EOGT: variants seen among roughly 807,000 people sequenced by gnomAD.
EOGT encodes the protein EGF domain specific O-linked N-acetylglucosamine transferase.
EOGT carries 55 observed loss-of-function variants against 70.5 expected under a neutral mutation model. The ratio of observed to expected loss-of-function variants is 0.78; its 90% CI spans 0.63 to 0.98. The LOEUF (loss-of-function observed/expected upper bound fraction) is 0.98. Among genes scored for constraint, EOGT ranks in the 50% least tolerant of loss-of-function variants. EOGT has a pLI of 0.00. For synonymous variants in EOGT, 246 were observed against 217.1 expected (o/e 1.13, Z -1.17); for missense variants, 703 against 641.9 (o/e 1.10, Z -1.03).
intron 6 of EOGT, among the ~76,000 whole-genome samples, chr3:69,006,283 C>A (rs542761314): frequency 2.6e-5 from 4 of 152,190 alleles, no homozygotes; most frequent in Non-Finnish European, 2.9e-5. Flanking sequence ...ACCCTGCGGC[C>A]GTGCAGTTTA....
intron 17 of EOGT, 109 bp from the exon 18 acceptor site, chr3:68,977,873 T>C: frequency 8.6e-7 from 1 of 1,164,416 alleles, no homozygotes; most frequent in Non-Finnish European, 1.2e-6. Context: ...ATGTTCTACA[T>C]CAGAGACCAG....
At chr3:69,013,409 C>G (rs1015945942) in intron 1 of EOGT, among the ~76,000 whole-genome samples, 165 bp downstream of exon 1, 18 of 152,038 alleles carry the variant, frequency 1.2e-4, no homozygotes, top group African/African-American at 4.1e-4. Context: ...GCCCGCCTCC[C>G]GGCCCGCAGG....
At chr3:68,996,085 A>G (rs1254610264) in intron 10 of EOGT, among the ~76,000 whole-genome samples, 1 of 152,238 alleles carries the variant, frequency 6.6e-6, no homozygotes, top group Non-Finnish European at 1.5e-5. Context: ...TACAAAAAGA[A>G]GAAAAGAAAG....
chr3:68,984,245 A>G (rs2090738785), intron 14 of EOGT, among the ~76,000 whole-genome samples: 1 of 152,006 alleles, frequency 6.6e-6, no homozygotes, highest in Non-Finnish European at 1.5e-5. Flanking sequence ...ACACACACGC[A>G]CACAGTCATA....
intron 15 of EOGT, among the ~76,000 whole-genome samples, chr3:68,981,665 AGTTGT>A (rs1455613398): frequency 6.6e-6 from 1 of 152,170 alleles, no homozygotes; most frequent in Admixed American, 6.5e-5. Context: ...TAAGCCTTTT[AGTTGT>A]GTTAAGAGTT....
chr3:69,002,053 A>G (rs2091308384), intron 8 of EOGT, among the ~76,000 whole-genome samples: 1 of 152,260 alleles, frequency 6.6e-6, no homozygotes, highest in African/African-American at 2.4e-5. Context: ...AGCTGGGCGT[A>G]GTGGCGAGCG....
chr3:68,978,593 A>G (rs912685711), intron 16 of EOGT, among the ~76,000 whole-genome samples, 158 bp from the exon 17 acceptor site: 6 of 152,240 alleles, frequency 3.9e-5, no homozygotes, highest in African/African-American at 1.4e-4. Context: ...AAGAGAATGT[A>G]AAAATATTCT....
chr3:69,011,441 C>T (rs1054741582), intron 3 of EOGT, among the ~76,000 whole-genome samples: 1 of 151,354 alleles, frequency 6.6e-6, no homozygotes, highest in Non-Finnish European at 1.5e-5. Context: ...GCTTGGGCAA[C>T]GTGATGAAAC....
intron 10 of EOGT, among the ~76,000 whole-genome samples, chr3:68,995,332 T>C (rs1324691255): frequency 6.6e-6 from 1 of 152,212 alleles, no homozygotes; most frequent in African/African-American, 2.4e-5. Flanking sequence ...CTGGCAGAAT[T>C]GCCTGTCCTG....
At chr3:68,986,474 T>C (rs2090810718) in intron 14 of EOGT, among the ~76,000 whole-genome samples, 1 of 152,196 alleles carries the variant, frequency 6.6e-6, no homozygotes, top group African/African-American at 2.4e-5. Flanking sequence ...CCCTGCACCA[T>C]GCCTGACCTC....
At chr3:68,987,763 T>A (rs1214390175) in intron 13 of EOGT, 1 of 536,572 alleles carries the variant, frequency 1.9e-6, no homozygotes, top group Non-Finnish European at 3.3e-6. Flanking sequence ...TTGGCAGGGG[T>A]TGTGTATGTT....
Position 69,005,157 on chromosome 3 carries a change from G to C in EOGT, c.498C>G (p.Ile166Met). The C allele has an allele frequency of 7.0e-6, 11 of 1,580,584 alleles. No individual in the cohort carries two copies. Among genetic ancestry groups the C allele is most frequent in the Non-Finnish European group, 8.7e-6 (10 of 1,151,386 alleles). The part of the protein sequence containing the change: ...ATNLYLDLRN[I>M]KRNHDRFKED... ...TAAAGTACCTGTCATGATTTCTCTT[G>C]ATGTTTCTTAAATCAAGATAGAGAT... is the stretch of plus-strand genomic sequence containing the variant. Residue 166 changes from isoleucine to methionine, a missense_variant, in exon 7 of 18, where the codon ATC becomes ATG. Ile to Met is a conservative substitution (Grantham distance 10, BLOSUM62 1). Transcript: ENST00000383701.
intron 15 of EOGT, among the ~76,000 whole-genome samples, chr3:68,981,982 CTT>C (rs1196940968): frequency 3.9e-5 from 6 of 152,148 alleles, no homozygotes; most frequent in Non-Finnish European, 8.8e-5. Context: ...TGTCAGCTCC[CTT>C]CAACTTCTAC....
At chr3:68,998,835 T>TA (rs5849871) in intron 9 of EOGT, among the ~76,000 whole-genome samples, 6,899 of 109,852 alleles carry the variant, frequency 0.063, 449 homozygotes, top group African/African-American at 0.16. Flanking sequence ...AGACTCTGTC[T>TA]AAAAAAAAAA....
At chr3:68,988,895 T>C in intron 11 of EOGT, 30 bp downstream of exon 11, 1 of 1,240,952 alleles carries the variant, frequency 8.1e-7, no homozygotes, top group Non-Finnish European at 1.1e-6. Context: ...CAAGAAATAT[T>C]CACAGACATT....
chr3:68,975,584 C>T lies in EOGT; in HGVS notation c.*2034G>A, dbSNP rs1049243377. ...AAGTCAATGCCTTGCTGATGCAAAG[C>T]GCAACATGCTTTTGTCATCCCTTTC... On this transcript the variant is annotated 3_prime_UTR_variant, in exon 18 of 18. Coordinates refer to ENST00000383701, the MANE Select transcript of EOGT (RefSeq NM_001278689.2). 3.3e-5 allele frequency: 5 copies of T among 152,498 alleles called. No homozygotes were observed. The highest frequency in any genetic ancestry group is 1.9e-4 in the East Asian group (1 of 5,182). 9.4% of individuals were successfully genotyped at this position (152,498 alleles called of 1,614,324 possible). A position where few individuals can be genotyped will look rare whatever the true frequency, so the allele number is the denominator to read the frequency against.
chr3:68,997,953 G>A, intron 10 of EOGT, 58 bp downstream of exon 10: 1 of 1,015,200 alleles, frequency 9.9e-7, no homozygotes, highest in Non-Finnish European at 1.5e-6. Context: ...CAACATCAGA[G>A]TCACACACTG....
chr3:68,988,451 A>C, intron 12 of EOGT, 55 bp downstream of exon 12: 1 of 1,486,146 alleles, frequency 6.7e-7, no homozygotes. Context: ...CTGTCAACTT[A>C]TGTATAAATG....
rs540081981 is a variant in EOGT, at chr3:68,978,091, A to G, written c.1437+242T>C. Among the ~76,000 whole-genome samples, 3 of 152,330 alleles carry G rather than the reference A, an allele frequency of 2.0e-5. No individual in the cohort carries two copies. The East Asian group carries it at 5.8e-4, about 29-fold the overall frequency. On this transcript the variant is annotated intron_variant, in intron 17 of 17. Transcript: ENST00000383701. The stretch of plus-strand genomic sequence containing the variant: ...TGTTGCTTGTTGATCCCGTCTCTAT[A>G]TATAATCTAATAGATCTTTCTAAGC...
Sources: allele counts gnomAD v4.1 joint callset (sites outside exome capture counted in the v4.1 genomes callset), GRCh38; gene constraint gnomAD v4.1.1; transcripts MANE v1.5; gene names NCBI Gene and HGNC (gene_info 2026-07-23, HGNC 2026-07-21).